The following TMEM45A variants were observed in gnomAD, a reference collection of about 807,000 sequenced individuals.
The protein encoded by TMEM45A is transmembrane protein 45A.
TMEM45A carries 25 observed loss-of-function variants against 32.0 expected under a neutral mutation model. The ratio of observed to expected loss-of-function variants is 0.78; its 90% CI spans 0.57 to 1.09. The LOEUF (loss-of-function observed/expected upper bound fraction) is 1.09, where lower values mean the gene tolerates loss of function less well. Among genes scored for constraint, TMEM45A ranks in the 50% least tolerant of loss-of-function variants. The pLI, the probability that TMEM45A is intolerant of heterozygous loss-of-function variation, is 0.00. For synonymous variants in TMEM45A, 122 were observed against 114.8 expected, an observed-to-expected ratio of 1.06 and a Z score of -0.40; for missense variants, 302 against 325.0, an observed-to-expected ratio of 0.93 and a Z score of 0.54.
At chr3:100,567,714 C>A (rs1000290713) in intron 4 of TMEM45A, among the ~76,000 whole-genome samples, 4 of 152,006 alleles carry the variant, frequency 2.6e-5, no homozygotes, top group African/African-American at 4.8e-5. Flanking sequence ...AAGTCTTAAA[C>A]CTCCTTGATT....
intron 4 of TMEM45A, among the ~76,000 whole-genome samples, chr3:100,565,811 G>T (rs552065894): frequency 1.3e-5 from 2 of 152,046 alleles, no homozygotes; most frequent in Non-Finnish European, 2.9e-5. Context: ...TATTTTTAAA[G>T]TGTACAATTT....
At chr3:100,547,122 A>ATT (rs907439288) in intron 1 of TMEM45A, among the ~76,000 whole-genome samples, 1 of 151,546 alleles carries the variant, frequency 6.6e-6, no homozygotes, top group Non-Finnish European at 1.5e-5. Flanking sequence ...TATATACTGT[A>ATT]TTTTTTTTCT....
intron 4 of TMEM45A, among the ~76,000 whole-genome samples, chr3:100,568,562 C>T (rs1316725115): frequency 1.3e-5 from 2 of 152,156 alleles, no homozygotes; most frequent in Non-Finnish European, 2.9e-5. Context: ...CTCTTAAAGT[C>T]CAGACATTCC....
chr3:100,525,160 C>G (rs1705516907), intron 1 of TMEM45A, among the ~76,000 whole-genome samples: 1 of 151,736 alleles, frequency 6.6e-6, no homozygotes, highest in South Asian at 2.1e-4. Flanking sequence ...TGCACTCCAA[C>G]CTGGGCAACA....
chr3:100,500,477 G>A (rs931428103), intron 1 of TMEM45A, among the ~76,000 whole-genome samples: 2 of 151,876 alleles, frequency 1.3e-5, no homozygotes, highest in Admixed American at 6.5e-5. Context: ...GTTGAACGAG[G>A]CCTGTTTGCC....
chr3:100,521,281 C>T (rs530090622), intron 1 of TMEM45A, among the ~76,000 whole-genome samples: 2 of 150,988 alleles, frequency 1.3e-5, no homozygotes, highest in East Asian at 1.9e-4. Flanking sequence ...TTTTTGAGAC[C>T]GAGTTTCCAG....
rs142518318 is a variant in TMEM45A at position 100,519,172 on chromosome 3, A to G, written c.-4+26244A>G. 11 of 183,656 alleles carry G rather than the reference A, an allele frequency of 6.0e-5. No homozygotes were observed. The East Asian group carries it at 1.5e-3, about 25-fold the overall frequency. The allele number at this position is 183,656 out of a possible 1,614,324, so 11.4% of individuals were successfully genotyped here. ...GAAGCATGTGAGTGGGAGGAAGAAA[A>G]GAGAGTTTTCTGGAGCTGTTGCAAT... is the stretch of plus-strand genomic sequence containing the variant. On this transcript the variant is annotated intron_variant, in intron 1 of 5. Coordinates refer to ENST00000323523, the MANE Select transcript of TMEM45A (RefSeq NM_018004.3).
intron 1 of TMEM45A, among the ~76,000 whole-genome samples, chr3:100,548,045 T>G (rs1166847809): frequency 2.0e-5 from 3 of 152,184 alleles, no homozygotes; most frequent in African/African-American, 7.2e-5. Context: ...TGAGAGGGGT[T>G]GGTAGTGGGA....
At chr3:100,543,705 C>T (rs141559528) in intron 1 of TMEM45A, among the ~76,000 whole-genome samples, 2,018 of 151,994 alleles carry the variant, frequency 0.013, 17 homozygotes, top group Non-Finnish European at 0.023. Context: ...CAAATTGATT[C>T]CTAATTAAAA....
At chr3:100,552,939 G>T (rs904541998) in intron 1 of TMEM45A, among the ~76,000 whole-genome samples, 5 of 152,210 alleles carry the variant, frequency 3.3e-5, no homozygotes, top group Admixed American at 6.5e-5. Context: ...AGCAAGAGAA[G>T]TGTCTTGGGC....
At chr3:100,533,332 G>A (rs1450111355) in intron 1 of TMEM45A, among the ~76,000 whole-genome samples, 4 of 152,042 alleles carry the variant, frequency 2.6e-5, no homozygotes, top group Non-Finnish European at 5.9e-5. Flanking sequence ...TATTTTTTAT[G>A]GTTCTCCCAG....
chr3:100,551,429 GT>G (rs751088868), intron 1 of TMEM45A, among the ~76,000 whole-genome samples: 3 of 152,160 alleles, frequency 2.0e-5, no homozygotes, highest in Non-Finnish European at 4.4e-5. Context: ...CTGCTTGCAT[GT>G]TCTCTTTGGT....
Position 100,568,904 on chromosome 3 carries a change from G to A in TMEM45A, c.671G>A (p.Cys224Tyr). The A allele has an allele frequency of 6.2e-7, 1 of 1,613,876 alleles. No individual in the cohort carries two copies. The highest frequency in any genetic ancestry group is 2.2e-5 in the East Asian group (1 of 44,854). The change falls in exon 5 of 6, where the codon TGC (cysteine) becomes TAC (tyrosine). Residue 224 changes from cysteine (C) to tyrosine (Y), a missense_variant. By Grantham distance (194) the Cys-to-Tyr change is radical. Coordinates refer to ENST00000323523, the MANE Select transcript of TMEM45A (RefSeq NM_018004.3). ...DHENILFLTI[C>Y]FCWHYAVTIV... ...GAAAATATTTTGTTTCTCACCATAT[G>A]CTTTTGTTGGCATTATGCAGTAACC... is the stretch of plus-strand genomic sequence containing the variant.
At chr3:100,574,684 T>C (rs980888185) in intron 5 of TMEM45A, 1 of 152,254 alleles carries the variant, frequency 6.6e-6, no homozygotes, top group Non-Finnish European at 1.5e-5. Context: ...CTGGCTAGAT[T>C]GTGTCTCCTT....
At chr3:100,575,326 A>G (rs925673914) in intron 5 of TMEM45A, among the ~76,000 whole-genome samples, 2 of 151,572 alleles carry the variant, frequency 1.3e-5, no homozygotes, top group Non-Finnish European at 2.9e-5. Context: ...TAGTGTCAAA[A>G]ATTATAATCC....
intron 4 of TMEM45A, among the ~76,000 whole-genome samples, chr3:100,562,420 ACT>A (rs1706355227): frequency 6.6e-6 from 1 of 152,252 alleles, no homozygotes; most frequent in African/African-American, 2.4e-5. Flanking sequence ...ACATCAGTTA[ACT>A]CTGTTCAGTG....
intron 1 of TMEM45A, among the ~76,000 whole-genome samples, chr3:100,511,539 A>T (rs1183419698): frequency 1.3e-5 from 2 of 152,030 alleles, no homozygotes; most frequent in Admixed American, 6.6e-5. Flanking sequence ...GTAAAGACCA[A>T]CGAGACTAGG....
chr3:100,533,436 T>TGCACA (rs1705685422), intron 1 of TMEM45A, among the ~76,000 whole-genome samples: 1 of 152,116 alleles, frequency 6.6e-6, no homozygotes, highest in African/African-American at 2.4e-5. Flanking sequence ...TCCTCACGTC[T>TGCACA]GCACAGCACA....
intron 1 of TMEM45A, among the ~76,000 whole-genome samples, chr3:100,513,759 A>G (rs1215331795): frequency 1.3e-5 from 2 of 152,364 alleles, no homozygotes; most frequent in African/African-American, 4.8e-5. Flanking sequence ...CCATAAGCTG[A>G]TAAGCAACTT....
Sources: gnomAD v4.1 joint callset for allele counts (sites outside exome capture counted in the v4.1 genomes callset) on GRCh38, gnomAD v4.1.1 for gene constraint, MANE v1.5 for transcripts, NCBI Gene and HGNC (gene_info 2026-07-23, HGNC 2026-07-21) for gene names.